The following AGPAT4 variants were observed in gnomAD, a reference collection of about 807,000 sequenced individuals.
The protein encoded by AGPAT4 is 1-acylglycerol-3-phosphate O-acyltransferase 4, also known as 1-acyl-sn-glycerol-3-phosphate acyltransferase delta.
Under a neutral mutation model 48.0 loss-of-function variants are expected in AGPAT4, and 15 were observed. The observed-to-expected ratio is 0.31, with a 90% CI of 0.21 to 0.48. The LOEUF is 0.48. AGPAT4 is among the 20% of genes least tolerant of loss of function. The probability of loss-of-function intolerance (pLI) is 0.99; values close to 1 mark genes in which losing one functional copy is unlikely to be tolerated. For missense variants in AGPAT4, 314 were observed against 482.5 expected (o/e 0.65, Z 3.27); for synonymous variants, 178 against 198.7 (o/e 0.90, Z 0.88).
rs1322552990 is a variant in AGPAT4 at position 161,220,870 on chromosome 6, G to C, written c.178+11166C>G. Among the ~76,000 whole-genome samples, 1 of 152,100 alleles carries C rather than the reference G, an allele frequency of 6.6e-6. No homozygotes were observed. Among genetic ancestry groups the C allele is most frequent in the African/African-American group, 2.4e-5 (1 of 41,404 alleles). ...GCAATCTCGGCTCACTGCAACTTCT[G>C]CCTCCCGGGTTCAAGCAATTCTCCT... On this transcript the variant is annotated intron_variant, in intron 2 of 8. Coordinates refer to ENST00000320285, the MANE Select transcript of AGPAT4 (RefSeq NM_020133.3). The surrounding 1 kb of genome is among the most constrained non-coding windows in gnomAD (Gnocchi z 6.0).
intron 2 of AGPAT4, among the ~76,000 whole-genome samples, chr6:161,185,851 G>C (rs753650589): frequency 6.6e-6 from 1 of 152,080 alleles, no homozygotes; most frequent in African/African-American, 2.4e-5. Context: ...TATAGATCAC[G>C]GTCATGCCTG....
At chr6:161,136,782 G>A (rs777861807) in intron 8 of AGPAT4, 148 bp from the exon 9 acceptor site, 30 of 651,204 alleles carry the variant, frequency 4.6e-5, no homozygotes, top group Middle Eastern at 3.1e-4. Flanking sequence ...TCATCCTGCC[G>A]GCTTTACAAT....
At position 161,202,173 on chromosome 6, in the gene AGPAT4, C is replaced by T. The variant is rs1055525516; in HGVS notation, c.178+29863G>A. On this transcript the variant is annotated intron_variant, in intron 2 of 8. Coordinates refer to ENST00000320285, the MANE Select transcript of AGPAT4 (RefSeq NM_020133.3). The surrounding 1 kb of genome is among the most constrained non-coding windows in gnomAD (Gnocchi z 5.4). ...AAATAACAAAAACACTTATTATCTCCGACAGTTTCTGAAGGTGGAGAATTC... is the reference window on the plus strand; with the variant it reads ...AAATAACAAAAACACTTATTATCTCTGACAGTTTCTGAAGGTGGAGAATTC... Among the ~76,000 whole-genome samples, 21 of 152,068 alleles carry T rather than the reference C, an allele frequency of 1.4e-4. No homozygotes were observed. Among genetic ancestry groups the T allele is most frequent in the African/African-American group, 3.6e-4 (15 of 41,400 alleles).
rs533921017 is a variant in AGPAT4, at chr6:161,197,918, G to A, written c.179-31501C>T. 5.9e-5 allele frequency among the ~76,000 whole-genome samples: 9 copies of A among 152,322 alleles called. No individual in the cohort carries two copies. The East Asian group carries it at 1.3e-3, about 23-fold the overall frequency. ...TGTCAATAGCAATGAAAAGCTACAC[G>A]TAGGGTTTACCCAGACAATTCGGGC... On this transcript the variant is annotated intron_variant, in intron 2 of 8. Coordinates refer to ENST00000320285, the MANE Select transcript of AGPAT4 (RefSeq NM_020133.3). This position sits in a 1 kb window ranked among gnomAD's most constrained non-coding sequence, Gnocchi z 5.7.
chr6:161,240,219 TATACACACACACACACACACAC>T lies in AGPAT4; in HGVS notation c.-89-7939_-89-7918del, dbSNP rs1174269659. Reference sequence around the variant, plus strand: ...AACACTAACAGCAGATATCTTTGTGTATACACACACACACACACACACACACACACACACACACACACACACA... The same window carrying T: ...AACACTAACAGCAGATATCTTTGTGTACACACACACACACACACACACACA... On this transcript the variant is annotated intron_variant, in intron 1 of 8. Coordinates refer to ENST00000320285, the MANE Select transcript of AGPAT4 (RefSeq NM_020133.3). The surrounding 1 kb of genome is among the most constrained non-coding windows in gnomAD (Gnocchi z 5.5). Among the ~76,000 whole-genome samples the T allele has an allele frequency of 4.1e-5, 5 of 121,870 alleles. No individual in the cohort carries two copies. Among genetic ancestry groups the T allele is most frequent in the Admixed American group, 2.8e-4 (3 of 10,770 alleles). The allele number at this position is 121,870 out of a possible 152,430, so 80.0% of individuals were successfully genotyped here. A position where few individuals can be genotyped will look rare whatever the true frequency, so the allele number is the denominator to read the frequency against.
rs1331525211 is a variant in AGPAT4, at chr6:161,220,292, TG to T, written c.178+11743del. Among the ~76,000 whole-genome samples, 64 of 152,346 alleles carry T rather than the reference TG, an allele frequency of 4.2e-4. No individual in the cohort carries two copies. Among genetic ancestry groups the T allele is most frequent in the African/African-American group, 1.3e-3 (55 of 41,582 alleles). ...ATGTGTTGGCATGAAGGGTTCATTT[TG>T]GAATAAGCATCATATGGAAAAGTTT... On this transcript the variant is annotated intron_variant, in intron 2 of 8. Coordinates refer to ENST00000320285, the MANE Select transcript of AGPAT4 (RefSeq NM_020133.3). This position sits in a 1 kb window ranked among gnomAD's most constrained non-coding sequence, Gnocchi z 6.0.
chr6:161,215,731 A>G lies in AGPAT4; in HGVS notation c.178+16305T>C, dbSNP rs1158908952. On this transcript the variant is annotated intron_variant, in intron 2 of 8. Coordinates refer to ENST00000320285, the MANE Select transcript of AGPAT4 (RefSeq NM_020133.3). This position sits in a 1 kb window ranked among gnomAD's most constrained non-coding sequence, Gnocchi z 4.5. ...ATAAAAAAAAAAAAAAAGAAAACAC[A>G]AAAACACAAGATCCAAGTTTCCTGT... is the stretch of plus-strand genomic sequence containing the variant. 6.6e-6 allele frequency among the ~76,000 whole-genome samples: 1 copy of G among 152,098 alleles called. No individual in the cohort carries two copies. Among genetic ancestry groups the G allele is most frequent in the Non-Finnish European group, 1.5e-5 (1 of 67,994 alleles).
In AGPAT4 at chr6:161,138,654, G is replaced by A. The variant is rs1779155361; in HGVS notation, c.1042+768C>T. 6.6e-6 allele frequency among the ~76,000 whole-genome samples: 1 copy of A among 152,166 alleles called. No individual in the cohort carries two copies. The highest frequency in any genetic ancestry group is 2.4e-5 in the African/African-American group (1 of 41,424). ...GTTTGACAGAAAATAACTGAGTCCT[G>A]TCCATTTGGAAGAAGCACGTGATCT... On this transcript the variant is annotated intron_variant, in intron 8 of 8. Coordinates refer to ENST00000320285, the MANE Select transcript of AGPAT4 (RefSeq NM_020133.3). This position sits in a 1 kb window ranked among gnomAD's most constrained non-coding sequence, Gnocchi z 4.8.
chr6:161,244,712 C>T lies in AGPAT4; in HGVS notation c.-89-12410G>A, dbSNP rs940112465. 1.2e-4 allele frequency among the ~76,000 whole-genome samples: 19 copies of T among 152,198 alleles called. No individual in the cohort carries two copies. Among genetic ancestry groups the T allele is most frequent in the East Asian group, 1.2e-3 (6 of 5,194 alleles). On this transcript the variant is annotated intron_variant, in intron 1 of 8. Transcript: ENST00000320285. This position sits in a 1 kb window ranked among gnomAD's most constrained non-coding sequence, Gnocchi z 4.7. The stretch of plus-strand genomic sequence containing the variant: ...CGATCCAGTAAAGCCGACAAGGGTG[C>T]ACACATCTCTCCCTTTGGTCTGGCC...
Position 161,144,272 on chromosome 6 carries a change from C to T in AGPAT4, c.843+2252G>A, listed in dbSNP as rs375250519. ...AACTCGGTGTCGCCCCAGCCCTGCA[C>T]GGAGAGAGAAAGGGCCTGGACTCCA... is the stretch of plus-strand genomic sequence containing the variant. On this transcript the variant is annotated intron_variant, in intron 7 of 8. Coordinates refer to ENST00000320285, the MANE Select transcript of AGPAT4 (RefSeq NM_020133.3). This position sits in a 1 kb window ranked among gnomAD's most constrained non-coding sequence, Gnocchi z 6.6. The T allele has an allele frequency of 1.3e-4, 61 of 485,418 alleles. No homozygotes were observed. Among genetic ancestry groups the T allele is most frequent in the African/African-American group, 7.9e-4 (40 of 50,442 alleles). The allele number at this position is 485,418 out of a possible 1,614,324, so 30.1% of individuals were successfully genotyped here.
chr6:161,137,541 G>T lies in AGPAT4; in HGVS notation c.1043-907C>A, dbSNP rs547885374. Among the ~76,000 whole-genome samples, 2 of 152,340 alleles carry T rather than the reference G, an allele frequency of 1.3e-5. No homozygotes were observed. The highest frequency in any genetic ancestry group is 2.9e-5 in the Non-Finnish European group (2 of 68,032). The stretch of plus-strand genomic sequence containing the variant: ...TCTCCCATGGGTCATTTACAAACTG[G>T]AGGGCTCCTGCATGGAGCGTAACAG... On this transcript the variant is annotated intron_variant, in intron 8 of 8. Coordinates refer to ENST00000320285, the MANE Select transcript of AGPAT4 (RefSeq NM_020133.3). This position sits in a 1 kb window ranked among gnomAD's most constrained non-coding sequence, Gnocchi z 6.1.
chr6:161,263,373 C>T (rs1301994901), intron 1 of AGPAT4, among the ~76,000 whole-genome samples: 1 of 152,136 alleles, frequency 6.6e-6, no homozygotes, highest in Non-Finnish European at 1.5e-5. Context: ...CACCTGTAAT[C>T]CCAGTTACTG....
At chr6:161,175,797 CA>C (rs1780412609) in intron 2 of AGPAT4, among the ~76,000 whole-genome samples, 1 of 151,952 alleles carries the variant, frequency 6.6e-6, no homozygotes, top group Admixed American at 6.6e-5. Flanking sequence ...TCCCTCTATG[CA>C]CTGCTTTAAA....
At chr6:161,263,243 T>C (rs980314505) in intron 1 of AGPAT4, among the ~76,000 whole-genome samples, 2 of 152,148 alleles carry the variant, frequency 1.3e-5, no homozygotes, top group Admixed American at 6.5e-5. Context: ...CCAGGCTCTC[T>C]TTAAAAAGAC....
chr6:161,209,820 T>C (rs1431314809), intron 2 of AGPAT4, among the ~76,000 whole-genome samples: 1 of 152,148 alleles, frequency 6.6e-6, no homozygotes, highest in Non-Finnish European at 1.5e-5. Flanking sequence ...AGATGATTGG[T>C]CAGAGACCAG....
chr6:161,247,396 G>A (rs577622149), intron 1 of AGPAT4, among the ~76,000 whole-genome samples: 7 of 152,008 alleles, frequency 4.6e-5, no homozygotes, highest in Non-Finnish European at 1.0e-4. Flanking sequence ...ACAACATTTT[G>A]ATTTGTTTTC....
rs1263543232 is a variant in AGPAT4 at position 161,267,090 on chromosome 6, T to A, written c.-90+6848A>T. Among the ~76,000 whole-genome samples, 1 of 152,228 alleles carries A rather than the reference T, an allele frequency of 6.6e-6. No homozygotes were observed. Among genetic ancestry groups the A allele is most frequent in the Non-Finnish European group, 1.5e-5 (1 of 68,046 alleles). ...ACTCTGAGAGCAGCCACCACAGGTG[T>A]CCTTGAGAGCAGCTGCTCAGTCAAG... On this transcript the variant is annotated intron_variant, in intron 1 of 8. Transcript: ENST00000320285. This position sits in a 1 kb window ranked among gnomAD's most constrained non-coding sequence, Gnocchi z 5.2.
chr6:161,243,198 C>T lies in AGPAT4; in HGVS notation c.-89-10896G>A, dbSNP rs763619600. Among the ~76,000 whole-genome samples, 6 of 152,034 alleles carry T rather than the reference C, an allele frequency of 3.9e-5. No individual in the cohort carries two copies. The highest frequency in any genetic ancestry group is 1.3e-4 in the Admixed American group (2 of 15,272). On this transcript the variant is annotated intron_variant, in intron 1 of 8. Transcript: ENST00000320285. This position sits in a 1 kb window ranked among gnomAD's most constrained non-coding sequence, Gnocchi z 4.8. The stretch of plus-strand genomic sequence containing the variant: ...CTGTGGCTGTCAGCTCAATACTAAG[C>T]CTGTGAGGGCTGGAACGACATGGGA...
At chr6:161,174,072 G>T (rs1323420737) in intron 2 of AGPAT4, among the ~76,000 whole-genome samples, 1 of 152,158 alleles carries the variant, frequency 6.6e-6, no homozygotes, top group Non-Finnish European at 1.5e-5. Context: ...TTTGAAGTCA[G>T]GTAGTGTGAT....
Sources: allele counts gnomAD v4.1 joint callset (sites outside exome capture counted in the v4.1 genomes callset), GRCh38; gene constraint gnomAD v4.1.1; non-coding constraint Gnocchi (gnomAD v3.1); transcripts MANE v1.5; gene names NCBI Gene and HGNC (gene_info 2026-07-23, HGNC 2026-07-21).